DOK6: variants seen among roughly 807,000 people sequenced by gnomAD.
DOK6 encodes docking protein 6, also known as downstream of tyrosine kinase 6.
DOK6 carries 22 observed loss-of-function variants against 44.0 expected under a neutral mutation model. The observed-to-expected ratio is 0.50, with a 90% confidence interval of 0.36 to 0.71. The LOEUF is 0.71. Ranked by LOEUF, DOK6 falls within the 30% of genes least tolerant of loss-of-function variation. The pLI, the probability that DOK6 is intolerant of heterozygous loss-of-function variation, is 0.00. For missense variants in DOK6, 340 were observed against 416.4 expected (o/e 0.82, Z 1.60); for synonymous variants, 166 against 145.5 (o/e 1.14, Z -1.01).
intron 3 of DOK6, among the ~76,000 whole-genome samples, chr18:69,609,486 GAAAT>G (rs58206678): frequency 1.3e-5 from 2 of 148,280 alleles, no homozygotes; most frequent in African/African-American, 2.6e-5. Flanking sequence ...GCTATTACAA[GAAAT>G]AAATAAATAA....
At chr18:69,629,364 C>T (rs185846896) in intron 3 of DOK6, among the ~76,000 whole-genome samples, 1 of 151,934 alleles carries the variant, frequency 6.6e-6, no homozygotes, top group Non-Finnish European at 1.5e-5. Context: ...TATTTTTTTT[C>T]AATCATACTC....
intron 1 of DOK6, among the ~76,000 whole-genome samples, chr18:69,425,547 T>G (rs374565895): frequency 6.6e-6 from 1 of 152,036 alleles, no homozygotes; most frequent in East Asian, 1.9e-4. Flanking sequence ...CTAAAATGTA[T>G]TAACTGGAAA....
chr18:69,744,834 GA>G (rs1397229803), intron 6 of DOK6, among the ~76,000 whole-genome samples: 13 of 150,224 alleles, frequency 8.7e-5, no homozygotes, highest in African/African-American at 2.9e-4. Flanking sequence ...GCTGAGGCAG[GA>G]GACTCACTTG....
intron 1 of DOK6, among the ~76,000 whole-genome samples, chr18:69,513,874 T>C (rs1157085002): frequency 6.6e-6 from 1 of 152,192 alleles, no homozygotes; most frequent in African/African-American, 2.4e-5. Context: ...ATTAAAATAT[T>C]ACTATAATTT....
intron 2 of DOK6, among the ~76,000 whole-genome samples, chr18:69,578,804 C>A (rs116642852): frequency 0.02 from 3,047 of 152,256 alleles, 111 homozygotes; most frequent in African/African-American, 0.068. Context: ...TATAAATGCA[C>A]ATTTATTTAG....
At chr18:69,774,155 T>TATATATATATATATATATATAA (rs1386335296) in intron 7 of DOK6, among the ~76,000 whole-genome samples, 2 of 118,400 alleles carry the variant, frequency 1.7e-5, no homozygotes, top group East Asian at 4.8e-4. Context: ...TATATATATA[T>TATATATATATATATATATATAA]AATGTAATAC....
At chr18:69,768,948 G>GGGGTGTGTGTGT (rs1555669796) in intron 7 of DOK6, among the ~76,000 whole-genome samples, 1 of 37,656 alleles carries the variant, frequency 2.7e-5, no homozygotes, top group African/African-American at 4.6e-5. Flanking sequence ...AGATTTGAAG[G>GGGGTGTGTGTGT]GTGTGCGTGT....
chr18:69,430,703 A>C (rs1178777080), intron 1 of DOK6, among the ~76,000 whole-genome samples: 1 of 152,172 alleles, frequency 6.6e-6, no homozygotes, highest in East Asian at 1.9e-4. Context: ...ACGGTGGCTC[A>C]TGCCTATAAT....
At chr18:69,770,852 TC>T (rs1979867373) in intron 7 of DOK6, among the ~76,000 whole-genome samples, 2 of 151,866 alleles carry the variant, frequency 1.3e-5, no homozygotes, top group Admixed American at 1.3e-4. Flanking sequence ...CTTTCCACTC[TC>T]CTAAATATTT....
chr18:69,779,313 C>T lies in DOK6; in HGVS notation c.856+21440C>T, dbSNP rs1219807401. ...ATGTGGCTAAACGTACTTAGATGTCCGGATAACAGTGGATTAATTTTACCC... is the reference window on the plus strand; with the variant it reads ...ATGTGGCTAAACGTACTTAGATGTCTGGATAACAGTGGATTAATTTTACCC... On this transcript the variant is annotated intron_variant, in intron 7 of 7. Coordinates refer to ENST00000382713, the MANE Select transcript of DOK6 (RefSeq NM_152721.6). Among the ~76,000 whole-genome samples, 4 of 151,924 alleles carry T rather than the reference C, an allele frequency of 2.6e-5. No homozygotes were observed. In the South Asian group the frequency reaches 6.2e-4, roughly 24 times the overall value.
chr18:69,620,765 G>A (rs983843848), intron 3 of DOK6, among the ~76,000 whole-genome samples: 5 of 152,236 alleles, frequency 3.3e-5, no homozygotes, highest in Admixed American at 6.5e-5. Context: ...TCTGAAACTC[G>A]TAGGTTTTTC....
chr18:69,598,353 T>C (rs945349309), intron 2 of DOK6, among the ~76,000 whole-genome samples: 2 of 151,896 alleles, frequency 1.3e-5, no homozygotes, highest in Non-Finnish European at 2.9e-5. Context: ...AAAAAGCTAG[T>C]TATATCCTGT....
chr18:69,735,279 C>G (rs1978565562), intron 5 of DOK6, among the ~76,000 whole-genome samples: 1 of 152,238 alleles, frequency 6.6e-6, no homozygotes, highest in African/African-American at 2.4e-5. Flanking sequence ...ATTTTACACT[C>G]TTACTGCATT....
At chr18:69,469,738 C>T in intron 1 of DOK6, 1 of 269,998 alleles carries the variant, frequency 3.7e-6, no homozygotes, top group Admixed American at 4.2e-5. Flanking sequence ...GAGGGCAGGA[C>T]ACGAGAGGCC....
At chr18:69,439,225 TA>T (rs1420364560) in intron 1 of DOK6, among the ~76,000 whole-genome samples, 1 of 152,206 alleles carries the variant, frequency 6.6e-6, no homozygotes, top group Non-Finnish European at 1.5e-5. Context: ...AACCATGCTG[TA>T]AACAGATATG....
intron 3 of DOK6, among the ~76,000 whole-genome samples, chr18:69,646,671 T>C (rs1352956456): frequency 6.6e-6 from 1 of 152,136 alleles, no homozygotes; most frequent in Non-Finnish European, 1.5e-5. Context: ...AGCATTACTT[T>C]TCACCACTTG....
intron 3 of DOK6, among the ~76,000 whole-genome samples, chr18:69,632,583 G>T (rs1015947516): frequency 6.6e-6 from 1 of 152,138 alleles, no homozygotes; most frequent in African/African-American, 2.4e-5. Flanking sequence ...TCACCTGGTG[G>T]CCTTTGACAA....
At chr18:69,803,740 T>G (rs1007584660) in intron 7 of DOK6, among the ~76,000 whole-genome samples, 1 of 152,046 alleles carries the variant, frequency 6.6e-6, no homozygotes, top group Non-Finnish European at 1.5e-5. Flanking sequence ...ACGCCTGTAG[T>G]CCCAGCTACT....
intron 7 of DOK6, among the ~76,000 whole-genome samples, chr18:69,784,803 A>G (rs909903701): frequency 1.3e-5 from 2 of 152,214 alleles, no homozygotes; most frequent in African/African-American, 4.8e-5. Flanking sequence ...TGAGAGATTC[A>G]TCAGATTTTC....
Sources: gnomAD v4.1 joint callset for allele counts (sites outside exome capture counted in the v4.1 genomes callset) on GRCh38, gnomAD v4.1.1 for gene constraint, MANE v1.5 for transcripts, NCBI Gene and HGNC (gene_info 2026-07-23, HGNC 2026-07-21) for gene names.